FRMD3: variants seen among roughly 807,000 people sequenced by gnomAD.
The protein encoded by FRMD3 is FERM domain containing 3, also known as FERM domain-containing protein 3.
A neutral mutation model predicts 70.2 loss-of-function variants in FRMD3; 33 were observed. The observed-to-expected ratio is 0.47, with a 90% CI of 0.36 to 0.63. The LOEUF (loss-of-function observed/expected upper bound fraction) is 0.63. FRMD3 is among the 20% of genes least tolerant of loss of function. The probability of loss-of-function intolerance (pLI) is 0.00; values close to 1 mark genes in which losing one functional copy is unlikely to be tolerated. For missense variants in FRMD3, 632 were observed against 711.4 expected (o/e 0.89, Z 1.27); for synonymous variants, 279 against 255.9 (o/e 1.09, Z -0.86).
At chr9:83,346,600 TG>T (rs1823972767) in intron 4 of FRMD3, among the ~76,000 whole-genome samples, 1 of 152,158 alleles carries the variant, frequency 6.6e-6, no homozygotes, top group African/African-American at 2.4e-5. Flanking sequence ...GTGATGAAAA[TG>T]TTTTGGAATC....
chr9:83,315,377 C>T (rs78142915), intron 6 of FRMD3, among the ~76,000 whole-genome samples: 1,621 of 152,254 alleles, frequency 0.011, 28 homozygotes, highest in African/African-American at 0.036. Context: ...CCGTGTGGAA[C>T]AGCATGTGAT....
chr9:83,349,304 C>A (rs1343480981), intron 4 of FRMD3, among the ~76,000 whole-genome samples: 3 of 152,152 alleles, frequency 2.0e-5, no homozygotes, highest in South Asian at 2.1e-4. Flanking sequence ...GCCAGGCGAT[C>A]TTTTCCCTCC....
intron 1 of FRMD3, among the ~76,000 whole-genome samples, chr9:83,502,118 G>A (rs772607071): frequency 6.6e-6 from 1 of 152,144 alleles, no homozygotes; most frequent in Non-Finnish European, 1.5e-5. Context: ...ACAAGACTGG[G>A]CAGTGCCAAT....
Position 83,454,740 on chromosome 9 carries a change from C to T in FRMD3, c.148-65032G>A, listed in dbSNP as rs140023825. Reference sequence around the variant, plus strand: ...GATGGCACACTGGAACATCACACAACCCACCAGCCACCACTTCAGTAGCTT... The same window carrying T: ...GATGGCACACTGGAACATCACACAATCCACCAGCCACCACTTCAGTAGCTT... On this transcript the variant is annotated intron_variant, in intron 1 of 13. Transcript: ENST00000304195. Among the ~76,000 whole-genome samples the T allele has an allele frequency of 2.8e-4, 42 of 152,326 alleles. No individual in the cohort carries two copies. The East Asian group carries it at 7.1e-3, about 26-fold the overall frequency.
At chr9:83,563,908 G>T in the FRMD3 span, among the ~76,000 whole-genome samples, 1 of 152,150 alleles carries the variant, frequency 6.6e-6, no homozygotes, top group African/African-American at 2.4e-5. Context: ...CAAATGATTT[G>T]CTTGTATAAA....
chr9:83,366,550 G>A (rs1388488392), intron 3 of FRMD3, among the ~76,000 whole-genome samples: 2 of 151,328 alleles, frequency 1.3e-5, no homozygotes, highest in African/African-American at 4.9e-5. Context: ...TCCAGCCTGG[G>A]CAACAAGAGC....
intron 1 of FRMD3, among the ~76,000 whole-genome samples, chr9:83,394,686 G>C (rs1587811981): frequency 1.3e-5 from 2 of 152,280 alleles, no homozygotes; most frequent in East Asian, 3.9e-4. Flanking sequence ...GATGTCAGGA[G>C]AGCTTATCAT....
At chr9:83,363,709 C>T (rs1824691783) in intron 3 of FRMD3, among the ~76,000 whole-genome samples, 1 of 152,056 alleles carries the variant, frequency 6.6e-6, no homozygotes, top group South Asian at 2.1e-4. Context: ...CGCCCGCCAC[C>T]TCGCCCGGCT....
At chr9:83,561,999 G>A in the FRMD3 span, among the ~76,000 whole-genome samples, 1 of 152,172 alleles carries the variant, frequency 6.6e-6, no homozygotes, top group African/African-American at 2.4e-5. Flanking sequence ...ATCCAGCCCA[G>A]CACAATGCCT....
chr9:83,404,409 A>C (rs781256205), intron 1 of FRMD3, among the ~76,000 whole-genome samples: 13 of 152,154 alleles, frequency 8.5e-5, no homozygotes, highest in Non-Finnish European at 1.6e-4. Context: ...CAGCTTCCTG[A>C]AGGAAGGAAA....
At chr9:83,294,963 T>C (rs1195297660) in intron 12 of FRMD3, among the ~76,000 whole-genome samples, 1 of 152,030 alleles carries the variant, frequency 6.6e-6, no homozygotes, top group Middle Eastern at 3.2e-3. Flanking sequence ...ATGCCTGAGG[T>C]CCCTCCAGGC....
intron 1 of FRMD3, among the ~76,000 whole-genome samples, chr9:83,464,039 C>G (rs1828049718): frequency 6.6e-6 from 1 of 152,174 alleles, no homozygotes; most frequent in Non-Finnish European, 1.5e-5. Flanking sequence ...GTCCAAGTAC[C>G]CAACTCTAAC....
At chr9:83,329,742 GA>G (rs1836176782) in intron 6 of FRMD3, among the ~76,000 whole-genome samples, 1 of 152,150 alleles carries the variant, frequency 6.6e-6, no homozygotes, top group African/African-American at 2.4e-5. Context: ...CAAGGGCAAG[GA>G]ATATACTTCA....
intron 5 of FRMD3, among the ~76,000 whole-genome samples, chr9:83,336,810 C>T (rs974542549): frequency 6.6e-6 from 1 of 151,092 alleles, no homozygotes; most frequent in African/African-American, 2.4e-5. Context: ...TTTCCTACAC[C>T]AAGGGTTAAA....
At chr9:83,261,053 T>C (rs1407106620) in intron 13 of FRMD3, among the ~76,000 whole-genome samples, 1 of 150,664 alleles carries the variant, frequency 6.6e-6, no homozygotes, top group East Asian at 2.0e-4. Flanking sequence ...TAAAAACCTA[T>C]GAAGAGTCAT....
intron 13 of FRMD3, among the ~76,000 whole-genome samples, chr9:83,252,343 A>G (rs1832468518): frequency 6.6e-6 from 1 of 152,212 alleles, no homozygotes; most frequent in South Asian, 2.1e-4. Flanking sequence ...TCACCACTGT[A>G]CCAGCCTTGC....
chr9:83,402,967 G>A (rs12000173), intron 1 of FRMD3, among the ~76,000 whole-genome samples: 15,752 of 140,254 alleles, frequency 0.11, 1,008 homozygotes, highest in African/African-American at 0.17. Flanking sequence ...ACAATGGCGC[G>A]ATCTTGGCTC....
the FRMD3 span, among the ~76,000 whole-genome samples, chr9:83,580,639 AT>A: frequency 6.6e-6 from 1 of 152,086 alleles, no homozygotes; most frequent in Non-Finnish European, 1.5e-5. Context: ...TGAACGGGGA[AT>A]TATTGGCCAA....
At chr9:83,549,279 T>A in the FRMD3 span, among the ~76,000 whole-genome samples, 1 of 152,152 alleles carries the variant, frequency 6.6e-6, no homozygotes, top group Non-Finnish European at 1.5e-5. Context: ...GTAAAATATA[T>A]GATATTGTTC....
Sources: allele counts gnomAD v4.1 joint callset (sites outside exome capture counted in the v4.1 genomes callset), GRCh38; gene constraint gnomAD v4.1.1; transcripts MANE v1.5; gene names NCBI Gene and HGNC (gene_info 2026-07-23, HGNC 2026-07-21).